The following ELP3 variants were observed in gnomAD, a reference collection of about 807,000 sequenced individuals.
ELP3 encodes elongator acetyltransferase complex subunit 3.
A neutral mutation model predicts 74.9 loss-of-function variants in ELP3; 56 were observed. That is an observed-to-expected ratio of 0.75 (90% confidence interval 0.60 to 0.93). The LOEUF (loss-of-function observed/expected upper bound fraction) is 0.93, where lower values mean the gene tolerates loss of function less well. ELP3 is among the 40% of genes least tolerant of loss of function. ELP3 has a pLI of 0.00. For missense variants in ELP3, 573 were observed against 686.5 expected (o/e 0.83, Z 1.85); for synonymous variants, 222 against 239.8 (o/e 0.93, Z 0.68).
intron 4 of ELP3, among the ~76,000 whole-genome samples, 190 bp from the exon 5 acceptor site, chr8:28,107,723 A>T (rs1032653686): frequency 1.3e-5 from 2 of 152,216 alleles, no homozygotes; most frequent in East Asian, 3.8e-4. Context: ...GTCCCTTTAC[A>T]TATTTATCTT....
Position 28,111,416 on chromosome 8 carries a change from A to G in ELP3, c.462+978A>G, listed in dbSNP as rs933818966. ...ATGTAAAGCACTGTCCATAGTTGTA[A>G]TAGTAATGTATAGTAGGCACATCCA... On this transcript the variant is annotated intron_variant, in intron 6 of 14. Transcript: ENST00000256398. Among the ~76,000 whole-genome samples the G allele has an allele frequency of 2.0e-5, 3 of 152,220 alleles. No homozygotes were observed. The South Asian group carries it at 6.2e-4, about 32-fold the overall frequency.
At chr8:28,096,505 C>T (rs868497265) in intron 1 of ELP3, among the ~76,000 whole-genome samples, 9 of 152,124 alleles carry the variant, frequency 5.9e-5, no homozygotes, top group African/African-American at 1.9e-4. Flanking sequence ...CATTTTTTAC[C>T]TTGAAGAAAA....
At chr8:28,091,053 C>A (rs1019510521), upstream of ELP3, among the ~76,000 whole-genome samples, 5 of 151,856 alleles carry the variant, frequency 3.3e-5, no homozygotes, top group African/African-American at 1.2e-4. Context: ...ACTACAGGGG[C>A]CCACCACCAC....
chr8:28,164,901 T>C (rs994370156), intron 14 of ELP3, among the ~76,000 whole-genome samples: 2 of 152,106 alleles, frequency 1.3e-5, no homozygotes, highest in African/African-American at 2.4e-5. Context: ...TGTGTGCGTG[T>C]GTTTTAGTTT....
chr8:28,177,115 ACT>A (rs1191963735), intron 14 of ELP3, among the ~76,000 whole-genome samples: 1 of 151,992 alleles, frequency 6.6e-6, no homozygotes, highest in African/African-American at 2.4e-5. Context: ...TGGGTAGGAG[ACT>A]CTCTTGAGGT....
At chr8:28,127,959 C>G (rs542190018) in intron 7 of ELP3, among the ~76,000 whole-genome samples, 1 of 151,996 alleles carries the variant, frequency 6.6e-6, no homozygotes, top group Non-Finnish European at 1.5e-5. Flanking sequence ...TAAATAAGTC[C>G]GTTTTTATTG....
chr8:28,156,578 A>G (rs919723800), intron 11 of ELP3, among the ~76,000 whole-genome samples: 2 of 152,200 alleles, frequency 1.3e-5, no homozygotes, highest in African/African-American at 4.8e-5. Context: ...CTTAAGTCAT[A>G]GGAAGGTTTA....
chr8:28,100,763 C>T (rs1362030178), intron 3 of ELP3, among the ~76,000 whole-genome samples: 1 of 152,158 alleles, frequency 6.6e-6, no homozygotes, highest in African/African-American at 2.4e-5. Context: ...AGCTTAGATG[C>T]TCTTGGTATG....
chr8:28,119,613 T>C (rs1286041838), intron 7 of ELP3, among the ~76,000 whole-genome samples: 2 of 107,680 alleles, frequency 1.9e-5, no homozygotes, highest in Non-Finnish European at 3.6e-5. Context: ...TATATATATA[T>C]ATATATATAT....
At chr8:28,103,020 A>G (rs1263531024) in intron 3 of ELP3, among the ~76,000 whole-genome samples, 3 of 152,022 alleles carry the variant, frequency 2.0e-5, no homozygotes, top group African/African-American at 7.3e-5. Flanking sequence ...AAATACAAAA[A>G]TTAGCCGGGC....
At chr8:28,157,624 A>G (rs1036774501) in intron 11 of ELP3, among the ~76,000 whole-genome samples, 5 of 152,190 alleles carry the variant, frequency 3.3e-5, no homozygotes, top group African/African-American at 1.2e-4. Context: ...CTATTACTAG[A>G]AAAGCTTATG....
At chr8:28,175,045 C>T (rs767919353) in intron 14 of ELP3, among the ~76,000 whole-genome samples, 9 of 152,144 alleles carry the variant, frequency 5.9e-5, no homozygotes, top group Non-Finnish European at 1.3e-4. Flanking sequence ...TGTGATGACT[C>T]ATTTTGCCTC....
chr8:28,164,786 A>G (rs1385986871), intron 14 of ELP3, among the ~76,000 whole-genome samples: 1 of 152,154 alleles, frequency 6.6e-6, no homozygotes. Flanking sequence ...AAGAACTTCA[A>G]GGAGGGCAGA....
At chr8:28,121,629 A>AT (rs1268756779) in intron 7 of ELP3, among the ~76,000 whole-genome samples, 1 of 151,842 alleles carries the variant, frequency 6.6e-6, no homozygotes, top group African/African-American at 2.4e-5. Flanking sequence ...CATAAATTTC[A>AT]TTTTTTCAAA....
upstream of ELP3, among the ~76,000 whole-genome samples, chr8:28,092,374 G>A (rs72609991): frequency 1.0e-3 from 153 of 152,162 alleles, no homozygotes; most frequent in East Asian, 3.7e-3. Context: ...GATTACAGGC[G>A]TGCACCACCA....
At chr8:28,166,337 T>G (rs1814306554) in intron 14 of ELP3, among the ~76,000 whole-genome samples, 1 of 152,206 alleles carries the variant, frequency 6.6e-6, no homozygotes, top group Non-Finnish European at 1.5e-5. Context: ...AATATTATTT[T>G]TTTACATATA....
intron 10 of ELP3, among the ~76,000 whole-genome samples, chr8:28,144,367 C>T (rs373934833): frequency 1.3e-5 from 2 of 152,128 alleles, no homozygotes; most frequent in Admixed American, 6.5e-5. Context: ...CCCAGCACTT[C>T]GGGAGGCCGT....
chr8:28,155,049 A>C (rs996094086), intron 10 of ELP3, among the ~76,000 whole-genome samples: 1 of 152,346 alleles, frequency 6.6e-6, no homozygotes. Context: ...AATTGTATTT[A>C]ACATTTGAAG....
chr8:28,139,571 AT>A (rs943097728), intron 10 of ELP3, among the ~76,000 whole-genome samples: 33 of 151,802 alleles, frequency 2.2e-4, no homozygotes, highest in African/African-American at 7.7e-4. Flanking sequence ...ACATGTATAG[AT>A]TTTTTTTTCT....
Sources: gnomAD v4.1 joint callset for allele counts (sites outside exome capture counted in the v4.1 genomes callset) on GRCh38, gnomAD v4.1.1 for gene constraint, MANE v1.5 for transcripts, NCBI Gene and HGNC (gene_info 2026-07-23, HGNC 2026-07-21) for gene names.